The following CLHC1 variants were observed in gnomAD, a reference collection of about 807,000 sequenced individuals.
The protein encoded by CLHC1 is clathrin heavy chain linker domain-containing protein 1.
Under a neutral mutation model 69.5 loss-of-function variants are expected in CLHC1, and 72 were observed. The ratio of observed to expected loss-of-function variants is 1.04; its 90% CI spans 0.86 to 1.26. CLHC1 has a LOEUF of 1.26. Ranked by LOEUF, CLHC1 falls within the 50% of genes most tolerant of loss-of-function variation. The pLI is 0.00. For missense variants in CLHC1, 790 were observed against 679.3 expected (o/e 1.16, Z -1.81); for synonymous variants, 223 against 224.3 (o/e 0.99, Z 0.05).
chr2:55,179,871 C>A (rs1669748652), intron 11 of CLHC1, among the ~76,000 whole-genome samples: 1 of 152,068 alleles, frequency 6.6e-6, no homozygotes, highest in Non-Finnish European at 1.5e-5. Flanking sequence ...TTATATATCA[C>A]AGGCTGGGTG....
At chr2:55,212,609 T>C (rs1673115346) in intron 5 of CLHC1, 64 bp downstream of exon 5, 2 of 1,266,342 alleles carry the variant, frequency 1.6e-6, no homozygotes, top group African/African-American at 1.5e-5. Flanking sequence ...TATTAATGCA[T>C]GCCTTAGGTA....
At chr2:55,229,150 C>CA (rs34823201) in intron 1 of CLHC1, among the ~76,000 whole-genome samples, 36,000 of 107,432 alleles carry the variant, frequency 0.34, 7,503 homozygotes, top group East Asian at 0.51. Flanking sequence ...GATTCTGTCT[C>CA]AAAAAAAAAA....
intron 12 of CLHC1, among the ~76,000 whole-genome samples, chr2:55,176,706 T>TTTAGAATACTGTCA (rs1669421313): frequency 6.6e-6 from 1 of 152,154 alleles, no homozygotes; most frequent in African/African-American, 2.4e-5. Flanking sequence ...ATAATTTTAT[T>TTTAGAATACTGTCA]TCTACCATAA....
chr2:55,182,853 G>C lies in CLHC1; in HGVS notation c.1007-1109C>G, dbSNP rs78295418. Among the ~76,000 whole-genome samples, 104 of 152,152 alleles carry C rather than the reference G, an allele frequency of 6.8e-4. 2 individuals are homozygous for C. In the East Asian group the frequency reaches 0.012, roughly 18 times the overall value. ...GCAGACCAGATAACCCCACCTGAGA[G>C]AGTCTTTGGGGGTACACACCACCAG... On this transcript the variant is annotated intron_variant, in intron 9 of 12. Transcript: ENST00000401408.
intron 5 of CLHC1, 49 bp downstream of exon 5, chr2:55,212,624 T>A: frequency 6.9e-7 from 1 of 1,452,714 alleles, no homozygotes; most frequent in Middle Eastern, 1.9e-4. Flanking sequence ...TAGGTAAAAA[T>A]TGGAAATAAT....
intron 3 of CLHC1, among the ~76,000 whole-genome samples, chr2:55,221,688 T>G (rs1674133549): frequency 6.6e-6 from 1 of 152,204 alleles, no homozygotes; most frequent in South Asian, 2.1e-4. Context: ...CAAAAACTGA[T>G]AGTCTGGGCT....
intron 9 of CLHC1, among the ~76,000 whole-genome samples, chr2:55,201,517 G>A (rs1291665478): frequency 2.0e-5 from 3 of 152,128 alleles, no homozygotes; most frequent in African/African-American, 7.2e-5. Flanking sequence ...GATTGAAGCT[G>A]TAATATAAGG....
At chr2:55,202,559 A>AAAAAAAAAAAAAGT (rs1672058130) in intron 9 of CLHC1, among the ~76,000 whole-genome samples, 2 of 150,130 alleles carry the variant, frequency 1.3e-5, no homozygotes, top group Non-Finnish European at 3.0e-5. Context: ...TCTGTCTCAA[A>AAAAAAAAAAAAAGT]AAAAAAAAAA....
chr2:55,188,006 G>A (rs983621995), intron 9 of CLHC1, among the ~76,000 whole-genome samples: 1 of 152,046 alleles, frequency 6.6e-6, no homozygotes, highest in Admixed American at 6.6e-5. Flanking sequence ...CACAAAATGG[G>A]AAATCCAAAT....
chr2:55,175,887 G>C lies in CLHC1; in HGVS notation c.1664C>G (p.Ser555Cys). Residue 555 changes from serine to cysteine, a missense_variant, in exon 13 of 13, where the codon TCT becomes TGT. Transcript: ENST00000401408. Reference protein sequence around the residue: ...ICSQNGFDKLSNDITSILRSQ... With the variant: ...ICSQNGFDKLCNDITSILRSQ... The stretch of plus-strand genomic sequence containing the variant: ...TCGAAGAATAGACGTGATGTCATTA[G>C]ATAATTTGTCAAAGCCATTCTGTGA... The C allele has an allele frequency of 6.2e-7, 1 of 1,613,982 alleles. No individual in the cohort carries two copies. The highest frequency in any genetic ancestry group is 8.5e-7 in the Non-Finnish European group (1 of 1,179,880).
intron 12 of CLHC1, among the ~76,000 whole-genome samples, chr2:55,176,695 T>C (rs1050373759): frequency 6.6e-6 from 1 of 152,182 alleles, no homozygotes; most frequent in Non-Finnish European, 1.5e-5. Flanking sequence ...CTGTCATCAC[T>C]ATAATTTTAT....
At chr2:55,176,087 AC>A in intron 12 of CLHC1, 101 bp from the exon 13 acceptor site, 1 of 922,210 alleles carries the variant, frequency 1.1e-6, no homozygotes, top group Admixed American at 2.5e-5. Flanking sequence ...CAACTCAGTT[AC>A]TGTTAAACTC....
chr2:55,214,542 G>A (rs1339416337), intron 4 of CLHC1: 1 of 152,222 alleles, frequency 6.6e-6, no homozygotes, highest in Non-Finnish European at 1.5e-5. Context: ...GAGTTTGTCA[G>A]TAGATAACTG....
intron 9 of CLHC1, among the ~76,000 whole-genome samples, chr2:55,190,037 A>G (rs1249381950): frequency 6.6e-6 from 1 of 152,032 alleles, no homozygotes; most frequent in Non-Finnish European, 1.5e-5. Flanking sequence ...ATTCAGCACC[A>G]TTAAGGTAAA....
At chr2:55,178,869 G>A (rs1178246727) in intron 11 of CLHC1, among the ~76,000 whole-genome samples, 8 of 151,248 alleles carry the variant, frequency 5.3e-5, no homozygotes, top group South Asian at 2.1e-4. Flanking sequence ...TGAACTCCTC[G>A]TCTCCCTTTT....
Position 55,223,003 on chromosome 2 carries a change from A to C in CLHC1, c.-82-510T>G, listed in dbSNP as rs577738417. On this transcript the variant is annotated intron_variant, in intron 2 of 12. Coordinates refer to ENST00000401408, the MANE Select transcript of CLHC1 (RefSeq NM_152385.4). Reference sequence around the variant, plus strand: ...GGGACAGAAATACCAAACACCAGTCAATGAAGAGCTCTTCTCTTGCTAACT... The same window carrying C: ...GGGACAGAAATACCAAACACCAGTCCATGAAGAGCTCTTCTCTTGCTAACT... Among the ~76,000 whole-genome samples the C allele has an allele frequency of 6.6e-5, 10 of 151,900 alleles. No homozygotes were observed. The South Asian group carries it at 1.9e-3, about 28-fold the overall frequency.
intron 9 of CLHC1, among the ~76,000 whole-genome samples, chr2:55,190,476 A>G (rs1229959029): frequency 6.6e-6 from 1 of 152,212 alleles, no homozygotes; most frequent in Admixed American, 6.5e-5. Context: ...AAGGATATTA[A>G]AAGTTATTAT....
chr2:55,208,813 C>T, intron 7 of CLHC1, 103 bp from the exon 8 acceptor site: 1 of 694,104 alleles, frequency 1.4e-6, no homozygotes, highest in East Asian at 2.7e-5. Context: ...TGCTATGGCT[C>T]CTAACAGCAG....
intron 4 of CLHC1, among the ~76,000 whole-genome samples, chr2:55,213,250 A>G (rs2103974227): frequency 6.6e-6 from 1 of 152,354 alleles, no homozygotes; most frequent in East Asian, 1.9e-4. Flanking sequence ...AAGTGTTGGC[A>G]GAGCCGTGCT....
Sources: allele counts gnomAD v4.1 joint callset (sites outside exome capture counted in the v4.1 genomes callset), GRCh38; gene constraint gnomAD v4.1.1; transcripts MANE v1.5; gene names NCBI Gene and HGNC (gene_info 2026-07-23, HGNC 2026-07-21).